DNER: variants seen among roughly 807,000 people sequenced by gnomAD.
The protein encoded by DNER is delta/notch like EGF repeat containing.
In DNER, 33 loss-of-function variants were observed where a neutral mutation model predicts 78.2. The observed-to-expected ratio is 0.42, with a 90% CI of 0.32 to 0.56. DNER has a LOEUF of 0.56. Among genes scored for constraint, DNER ranks in the 20% least tolerant of loss-of-function variants. The probability of loss-of-function intolerance (pLI) is 0.11; values close to 1 mark genes in which losing one functional copy is unlikely to be tolerated. For synonymous variants in DNER, 417 were observed against 384.8 expected, an observed-to-expected ratio of 1.08 and a Z score of -0.98; for missense variants, 918 against 975.3, an observed-to-expected ratio of 0.94 and a Z score of 0.78.
chr2:229,607,884 T>C (rs528125226), intron 1 of DNER, among the ~76,000 whole-genome samples: 35 of 151,970 alleles, frequency 2.3e-4, no homozygotes, highest in Admixed American at 1.7e-3. Context: ...TAACCGGGCA[T>C]GGTGGTACAT....
At chr2:229,618,497 T>A (rs1278015882) in intron 1 of DNER, among the ~76,000 whole-genome samples, 2 of 152,328 alleles carry the variant, frequency 1.3e-5, no homozygotes, top group South Asian at 2.1e-4. Context: ...GAAGGCCTAT[T>A]TCCAAGGGCC....
chr2:229,540,243 G>T (rs1290388613), intron 5 of DNER, among the ~76,000 whole-genome samples: 1 of 152,076 alleles, frequency 6.6e-6, no homozygotes, highest in Admixed American at 6.6e-5. Flanking sequence ...AGCAGGGCCA[G>T]TGAGGCAATA....
In DNER at chr2:229,666,716, C is replaced by A. The variant is rs558917183; in HGVS notation, c.276+47432G>T. Among the ~76,000 whole-genome samples, 3 of 152,298 alleles carry A rather than the reference C, an allele frequency of 2.0e-5. No homozygotes were observed. In the South Asian group the frequency reaches 6.2e-4, roughly 32 times the overall value. On this transcript the variant is annotated intron_variant, in intron 1 of 12. Transcript: ENST00000341772. Reference sequence around the variant, plus strand: ...TGCTAACCCATATCATGATTTCTGACCATGACCCTCAATAAAAACTGAGGG... The same window carrying A: ...TGCTAACCCATATCATGATTTCTGAACATGACCCTCAATAAAAACTGAGGG...
intron 1 of DNER, among the ~76,000 whole-genome samples, chr2:229,603,685 G>A (rs540232259): frequency 6.6e-6 from 1 of 152,206 alleles, no homozygotes; most frequent in Admixed American, 6.5e-5. Flanking sequence ...GATCTGAGTG[G>A]TGGTTACACA....
intron 5 of DNER, among the ~76,000 whole-genome samples, chr2:229,531,834 A>T (rs763791049): frequency 6.6e-6 from 1 of 152,226 alleles, no homozygotes; most frequent in Non-Finnish European, 1.5e-5. Flanking sequence ...TAAAGTAGGG[A>T]AGTACTCATA....
At chr2:229,471,693 A>G (rs1376936828) in intron 7 of DNER, among the ~76,000 whole-genome samples, 2 of 152,244 alleles carry the variant, frequency 1.3e-5, no homozygotes, top group Non-Finnish European at 2.9e-5. Context: ...AACAATCATC[A>G]TAATAGCTAA....
rs1209042124 is a variant in DNER at position 229,574,575 on chromosome 2, C to T, written c.847+11283G>A. ...CTGTCATGCAAAGAAAAGGAAATAT[C>T]ACAAAATGTAAACACTGGTTGTCAG... On this transcript the variant is annotated intron_variant, in intron 4 of 12. Coordinates refer to ENST00000341772, the MANE Select transcript of DNER (RefSeq NM_139072.4). 2.0e-5 allele frequency among the ~76,000 whole-genome samples: 3 copies of T among 152,032 alleles called. No homozygotes were observed. The East Asian group carries it at 5.8e-4, about 29-fold the overall frequency.
chr2:229,540,952 C>T (rs1696500803), intron 5 of DNER, among the ~76,000 whole-genome samples: 1 of 152,220 alleles, frequency 6.6e-6, no homozygotes, highest in South Asian at 2.1e-4. Flanking sequence ...TACCTATCAA[C>T]ATAGGCCAGA....
rs1188310621 is a variant in DNER, at chr2:229,565,845, T to C, written c.848-18753A>G. On this transcript the variant is annotated intron_variant, in intron 4 of 12. Coordinates refer to ENST00000341772, the MANE Select transcript of DNER (RefSeq NM_139072.4). The stretch of plus-strand genomic sequence containing the variant: ...AGAATATACAATTAAAATTCTTTAT[T>C]TAATCTCTTTTTCAATGTCTATTTG... Among the ~76,000 whole-genome samples, 4 of 152,198 alleles carry C rather than the reference T, an allele frequency of 2.6e-5. No individual in the cohort carries two copies. The East Asian group carries it at 7.7e-4, about 29-fold the overall frequency.
At chr2:229,641,695 T>C (rs996130905) in intron 1 of DNER, among the ~76,000 whole-genome samples, 2 of 152,056 alleles carry the variant, frequency 1.3e-5, no homozygotes, top group South Asian at 4.2e-4. Flanking sequence ...GGTAGATATA[T>C]GCTAATGAAT....
At chr2:229,387,265 G>A (rs1207205549) in intron 11 of DNER, among the ~76,000 whole-genome samples, 2 of 152,020 alleles carry the variant, frequency 1.3e-5, no homozygotes, top group Non-Finnish European at 2.9e-5. Context: ...TCATAAGTGG[G>A]AGCTCAACAA....
At chr2:229,507,448 T>C (rs1438545391) in intron 6 of DNER, among the ~76,000 whole-genome samples, 1 of 152,240 alleles carries the variant, frequency 6.6e-6, no homozygotes, top group East Asian at 1.9e-4. Context: ...TCACCTTAGA[T>C]GGTAACAGTA....
intron 6 of DNER, among the ~76,000 whole-genome samples, chr2:229,481,505 T>C (rs903805494): frequency 1.3e-5 from 2 of 152,128 alleles, no homozygotes; most frequent in African/African-American, 4.8e-5. Context: ...GGCAAATCAC[T>C]GGTATTGATA....
At chr2:229,647,736 T>C (rs1698743701) in intron 1 of DNER, among the ~76,000 whole-genome samples, 9 of 152,216 alleles carry the variant, frequency 5.9e-5, no homozygotes, top group Admixed American at 5.2e-4. Context: ...CAGTCAATGA[T>C]TGAAAAGCAA....
chr2:229,386,122 T>C (rs1183702048), intron 11 of DNER, among the ~76,000 whole-genome samples: 2 of 151,998 alleles, frequency 1.3e-5, no homozygotes, highest in East Asian at 1.9e-4. Flanking sequence ...CCAAAACAGA[T>C]GTACAGAGTA....
At chr2:229,399,382 T>G in intron 10 of DNER, among the ~76,000 whole-genome samples, 1 of 151,844 alleles carries the variant, frequency 6.6e-6, no homozygotes, top group East Asian at 1.9e-4. Context: ...AAAATGTTGA[T>G]GAAAGAAATC....
At chr2:229,358,812 A>G (rs1417177445) in intron 12 of DNER, among the ~76,000 whole-genome samples, 161 bp from the exon 13 acceptor site, 1 of 152,256 alleles carries the variant, frequency 6.6e-6, no homozygotes, top group Non-Finnish European at 1.5e-5. Flanking sequence ...TTAACACTGA[A>G]TGTGTATAAA....
chr2:229,622,647 G>A (rs1023864170), intron 1 of DNER, among the ~76,000 whole-genome samples: 14 of 152,038 alleles, frequency 9.2e-5, no homozygotes, highest in African/African-American at 3.4e-4. Flanking sequence ...TTGGAAACAG[G>A]GTCTTTGTGG....
chr2:229,429,379 CTT>C (rs1693956235), intron 8 of DNER, among the ~76,000 whole-genome samples: 1 of 152,146 alleles, frequency 6.6e-6, no homozygotes, highest in African/African-American at 2.4e-5. Flanking sequence ...TTCATGGGCA[CTT>C]GTGGCAACAG....
Sources: gnomAD v4.1 joint callset for allele counts (sites outside exome capture counted in the v4.1 genomes callset) on GRCh38, gnomAD v4.1.1 for gene constraint, MANE v1.5 for transcripts, NCBI Gene and HGNC (gene_info 2026-07-23, HGNC 2026-07-21) for gene names.